GLIPR1L2: variants seen among roughly 807,000 people sequenced by gnomAD.
GLIPR1L2 encodes GLIPR1-like protein 2.
Under a neutral mutation model 28.4 loss-of-function variants are expected in GLIPR1L2, and 21 were observed. The ratio of observed to expected loss-of-function variants is 0.74; its 90% CI spans 0.52 to 1.06. The LOEUF (loss-of-function observed/expected upper bound fraction) is 1.06. GLIPR1L2 is among the 50% of genes least tolerant of loss of function. GLIPR1L2 has a pLI of 0.00. For synonymous variants in GLIPR1L2, 145 were observed against 139.3 expected (o/e 1.04, Z -0.29); for missense variants, 476 against 416.9 (o/e 1.14, Z -1.23).
intron 1 of GLIPR1L2, among the ~76,000 whole-genome samples, chr12:75,397,915 A>G (rs2045697441): frequency 6.6e-6 from 1 of 151,634 alleles, no homozygotes; most frequent in Non-Finnish European, 1.5e-5. Context: ...ATCTAATCTG[A>G]TATTTCCTCT....
In GLIPR1L2 at chr12:75,432,655, A is replaced by T. The variant is rs1296551972; in HGVS notation, c.*1494A>T. The T allele has an allele frequency of 6.6e-6, 1 of 152,024 alleles. No individual in the cohort carries two copies. The highest frequency in any genetic ancestry group is 6.6e-5 in the Admixed American group (1 of 15,260). 9.4% of individuals were successfully genotyped at this position (152,024 alleles called of 1,614,324 possible). The stretch of plus-strand genomic sequence containing the variant: ...CTGTTCGAAGTAGGGCAAGATGAGA[A>T]TTATATTAAAAAGCCCTGAGCTATC... On this transcript the variant is annotated 3_prime_UTR_variant, in exon 6 of 6. Coordinates refer to ENST00000550916, the MANE Select transcript of GLIPR1L2 (RefSeq NM_001270396.2).
intron 3 of GLIPR1L2, among the ~76,000 whole-genome samples, chr12:75,414,127 T>C (rs887319687): frequency 6.6e-6 from 1 of 152,038 alleles, no homozygotes; most frequent in Non-Finnish European, 1.5e-5. Flanking sequence ...CATTATTAAC[T>C]GGGACCTGTC....
At chr12:75,424,805 A>G (rs2046016974) in intron 4 of GLIPR1L2, among the ~76,000 whole-genome samples, 1 of 151,970 alleles carries the variant, frequency 6.6e-6, no homozygotes, top group Admixed American at 6.6e-5. Flanking sequence ...CCACCCTAAC[A>G]TTTCTGCTCT....
At chr12:75,424,526 A>T (rs556330615) in intron 4 of GLIPR1L2, among the ~76,000 whole-genome samples, 6 of 152,206 alleles carry the variant, frequency 3.9e-5, no homozygotes, top group African/African-American at 1.4e-4. Context: ...GCTCACTGTA[A>T]CGTCGAATTC....
At chr12:75,414,096 T>A (rs2045900551) in intron 3 of GLIPR1L2, among the ~76,000 whole-genome samples, 1 of 152,034 alleles carries the variant, frequency 6.6e-6, no homozygotes, top group Non-Finnish European at 1.5e-5. Flanking sequence ...ACACTTTTAA[T>A]TGACCACCTC....
At chr12:75,401,944 A>G (rs1031743720) in intron 1 of GLIPR1L2, among the ~76,000 whole-genome samples, 1 of 152,158 alleles carries the variant, frequency 6.6e-6, no homozygotes, top group African/African-American at 2.4e-5. Flanking sequence ...TGTATAAGTA[A>G]AATTAATGAA....
At chr12:75,420,976 A>G (rs10506668) in intron 3 of GLIPR1L2, among the ~76,000 whole-genome samples, 53,003 of 152,030 alleles carry the variant, frequency 0.35, 9,608 homozygotes, top group East Asian at 0.46. Context: ...GTTTTTCCAC[A>G]CTACAGATAT....
intron 1 of GLIPR1L2, among the ~76,000 whole-genome samples, chr12:75,403,559 TG>T (rs2045765313): frequency 6.6e-6 from 1 of 152,144 alleles, no homozygotes; most frequent in African/African-American, 2.4e-5. Context: ...CTTCCTTTTT[TG>T]TTGGTGTGAA....
At chr12:75,413,802 A>C in intron 3 of GLIPR1L2, 101 bp downstream of exon 3, 19 of 519,134 alleles carry the variant, frequency 3.7e-5, no homozygotes. Context: ...TTGAACTATA[A>C]AATAAATATA....
In GLIPR1L2 at chr12:75,407,779, T is replaced by C. The variant is rs1594011172; in HGVS notation, c.235-2655T>C. Among the ~76,000 whole-genome samples, 3 of 152,210 alleles carry C rather than the reference T, an allele frequency of 2.0e-5. 1 individual carries two copies. The South Asian group carries it at 6.2e-4, about 32-fold the overall frequency. ...AAGACCTAGTTTTTGCATTTATTTG[T>C]GAATGGATTTCAGCACTTCTTGACA... On this transcript the variant is annotated intron_variant, in intron 1 of 5. Coordinates refer to ENST00000550916, the MANE Select transcript of GLIPR1L2 (RefSeq NM_001270396.2).
intron 1 of GLIPR1L2, among the ~76,000 whole-genome samples, chr12:75,396,558 G>A (rs888559881): frequency 1.3e-5 from 2 of 152,154 alleles, no homozygotes; most frequent in Non-Finnish European, 2.9e-5. Flanking sequence ...TCACACTCTT[G>A]AATGATATTG....
At chr12:75,401,369 A>G (rs2045739810) in intron 1 of GLIPR1L2, among the ~76,000 whole-genome samples, 1 of 151,508 alleles carries the variant, frequency 6.6e-6, no homozygotes, top group Non-Finnish European at 1.5e-5. Context: ...ATAAAAAGAA[A>G]TACTATGTAT....
intron 1 of GLIPR1L2, among the ~76,000 whole-genome samples, chr12:75,399,893 T>C (rs1405612035): frequency 6.6e-6 from 1 of 152,218 alleles, no homozygotes; most frequent in African/African-American, 2.4e-5. Flanking sequence ...ATTTACTCTT[T>C]GGCTCTCTGG....
chr12:75,416,072 GTTTCTGGGTAT>G (rs1038717388), intron 3 of GLIPR1L2, among the ~76,000 whole-genome samples: 2 of 152,236 alleles, frequency 1.3e-5, no homozygotes, highest in African/African-American at 4.8e-5. Context: ...GGAAAGGTCA[GTTTCTGGGTAT>G]ATTATGAAGG....
chr12:75,432,575 T>G lies in GLIPR1L2; in HGVS notation c.*1414T>G, dbSNP rs2139973991. On this transcript the variant is annotated 3_prime_UTR_variant, in exon 6 of 6. Coordinates refer to ENST00000550916, the MANE Select transcript of GLIPR1L2 (RefSeq NM_001270396.2). ...AGCCAAATACCTCAAATGGTATAAA[T>G]GCTATGTGTATTTACTCTGTTGTTC... 1 of 151,854 alleles carries G rather than the reference T, an allele frequency of 6.6e-6. No homozygotes were observed. The highest frequency in any genetic ancestry group is 1.5e-5 in the Non-Finnish European group (1 of 67,916). 9.4% of individuals were successfully genotyped at this position (151,854 alleles called of 1,614,324 possible).
At chr12:75,410,371 A>G in intron 1 of GLIPR1L2, 63 bp from the exon 2 acceptor site, 2 of 1,397,042 alleles carry the variant, frequency 1.4e-6, no homozygotes, top group Non-Finnish European at 1.9e-6. Flanking sequence ...AACTCAAGAA[A>G]AAATATTTTA....
chr12:75,423,487 A>T, intron 4 of GLIPR1L2: 1 of 830,196 alleles, frequency 1.2e-6, no homozygotes, highest in Non-Finnish European at 1.5e-6. Context: ...ATACTCCAAA[A>T]GTATAACTGT....
At chr12:75,418,768 C>T (rs1311919549) in intron 3 of GLIPR1L2, among the ~76,000 whole-genome samples, 2 of 152,094 alleles carry the variant, frequency 1.3e-5, no homozygotes, top group Non-Finnish European at 2.9e-5. Context: ...TTGCTTTGGG[C>T]AGTATGGCCA....
intron 2 of GLIPR1L2, among the ~76,000 whole-genome samples, chr12:75,411,715 T>G (rs1290963608): frequency 6.6e-6 from 1 of 152,010 alleles, no homozygotes; most frequent in Admixed American, 6.6e-5. Context: ...TTGCAGATAC[T>G]CTATTCTTTA....
Sources: allele counts gnomAD v4.1 joint callset (sites outside exome capture counted in the v4.1 genomes callset), GRCh38; gene constraint gnomAD v4.1.1; transcripts MANE v1.5; gene names NCBI Gene and HGNC (gene_info 2026-07-23, HGNC 2026-07-21).